The following PHIP variants were observed in gnomAD, a reference collection of about 807,000 sequenced individuals.
PHIP encodes PHIP subunit of CUL4-Ring ligase complex, also known as PH-interacting protein.
PHIP carries 54 observed loss-of-function variants against 236.8 expected under a neutral mutation model. The observed-to-expected ratio is 0.23, with a 90% CI of 0.18 to 0.29. The LOEUF (loss-of-function observed/expected upper bound fraction) is 0.29, where lower values mean the gene tolerates loss of function less well. PHIP is among the 10% of genes least tolerant of loss of function. The pLI, the probability that PHIP is intolerant of heterozygous loss-of-function variation, is 1.00. For missense variants in PHIP, 1,370 were observed against 2,190.8 expected, an observed-to-expected ratio of 0.63 and a Z score of 7.48; for synonymous variants, 756 against 718.9, an observed-to-expected ratio of 1.05 and a Z score of -0.83.
Position 79,024,294 on chromosome 6 carries a change from TAACTC to T in PHIP, c.923+1220_923+1224del, listed in dbSNP as rs1771277338. Among the ~76,000 whole-genome samples, 6 of 152,306 alleles carry T rather than the reference TAACTC, an allele frequency of 3.9e-5. No homozygotes were observed. In the South Asian group the frequency reaches 1.2e-3, roughly 32 times the overall value. ...GGCATACATATATTATTTTATTAAA[TAACTC>T]AACTTGGGTTGCTAATTTATACATA... On this transcript the variant is annotated intron_variant, in intron 9 of 39. Coordinates refer to ENST00000275034, the MANE Select transcript of PHIP (RefSeq NM_017934.7).
intron 7 of PHIP, among the ~76,000 whole-genome samples, chr6:79,030,701 A>G (rs1051166121): frequency 6.6e-6 from 1 of 152,216 alleles, no homozygotes; most frequent in African/African-American, 2.4e-5. Flanking sequence ...TCTGGGTGTT[A>G]TCAGTTTATA....
chr6:79,040,722 T>C (rs1198871937), intron 7 of PHIP, among the ~76,000 whole-genome samples: 1 of 152,026 alleles, frequency 6.6e-6, no homozygotes, highest in Non-Finnish European at 1.5e-5. Context: ...GAAGTGAAAA[T>C]AATAAAAATA....
At chr6:79,046,292 G>A (rs1325189664) in intron 6 of PHIP, among the ~76,000 whole-genome samples, 3 of 152,036 alleles carry the variant, frequency 2.0e-5, no homozygotes, top group South Asian at 2.1e-4. Flanking sequence ...TTTCTCAGAT[G>A]TCTGTTACCT....
intron 4 of PHIP, among the ~76,000 whole-genome samples, chr6:79,065,485 CT>C (rs1293991530): frequency 6.6e-6 from 1 of 152,118 alleles, no homozygotes; most frequent in African/African-American, 2.4e-5. Context: ...TCCTGTCAGA[CT>C]TTATCATATA....
intron 4 of PHIP, among the ~76,000 whole-genome samples, chr6:79,069,320 T>C (rs994802936): frequency 6.6e-6 from 1 of 151,706 alleles, no homozygotes; most frequent in Non-Finnish European, 1.5e-5. Flanking sequence ...AATCTGTTAC[T>C]AACAGTGTGG....
intron 6 of PHIP, among the ~76,000 whole-genome samples, chr6:79,048,997 AGAC>A (rs1368073059): frequency 2.6e-5 from 4 of 152,146 alleles, no homozygotes; most frequent in Non-Finnish European, 5.9e-5. Flanking sequence ...TACTCAGACA[AGAC>A]GCATCAGTAT....
At chr6:78,974,412 C>A (rs1437901529) in intron 24 of PHIP, among the ~76,000 whole-genome samples, 2 of 151,676 alleles carry the variant, frequency 1.3e-5, no homozygotes, top group Non-Finnish European at 2.9e-5. Flanking sequence ...TAAATGCCCA[C>A]AAGAGTAAGC....
At chr6:79,072,528 C>A (rs1045047312) in intron 4 of PHIP, among the ~76,000 whole-genome samples, 1 of 151,964 alleles carries the variant, frequency 6.6e-6, no homozygotes, top group African/African-American at 2.4e-5. Flanking sequence ...GTCACCCACG[C>A]TGGAGGGCAG....
Position 79,078,141 on chromosome 6 carries a change from T to C in PHIP, c.-73A>G, listed in dbSNP as rs1158753396. On this transcript the variant is annotated 5_prime_UTR_variant, in exon 1 of 40. Coordinates refer to ENST00000275034, the MANE Select transcript of PHIP (RefSeq NM_017934.7). Reference sequence around the variant, plus strand: ...GGGAAGCGGGGACGGTGCCGCCGCCTGCCCTATAGCTGTCAGTGTGTGTTC... The same window carrying C: ...GGGAAGCGGGGACGGTGCCGCCGCCCGCCCTATAGCTGTCAGTGTGTGTTC... 2 of 1,473,066 alleles carry C rather than the reference T, an allele frequency of 1.4e-6. No homozygotes were observed. Among genetic ancestry groups the C allele is most frequent in the Non-Finnish European group, 1.9e-6 (2 of 1,064,034 alleles). 91.2% of individuals were successfully genotyped at this position (1,473,066 alleles called of 1,614,324 possible).
chr6:79,005,458 G>A (rs1185942748), intron 15 of PHIP, among the ~76,000 whole-genome samples: 1 of 151,718 alleles, frequency 6.6e-6, no homozygotes, highest in African/African-American at 2.4e-5. Context: ...AAAGTTACAT[G>A]AACTGTTATA....
chr6:79,039,360 A>C (rs1483933675), intron 7 of PHIP, among the ~76,000 whole-genome samples: 1 of 152,150 alleles, frequency 6.6e-6, no homozygotes, highest in Non-Finnish European at 1.5e-5. Flanking sequence ...TAAGTCTGCA[A>C]TATCCAATTC....
intron 7 of PHIP, among the ~76,000 whole-genome samples, chr6:79,029,330 C>T (rs984398696): frequency 6.6e-5 from 10 of 152,038 alleles, no homozygotes; most frequent in African/African-American, 2.4e-4. Context: ...CATATATCAT[C>T]GCTTGTGATA....
chr6:79,052,537 A>T (rs1170793203), intron 6 of PHIP, among the ~76,000 whole-genome samples: 1 of 152,200 alleles, frequency 6.6e-6, no homozygotes, highest in East Asian at 1.9e-4. Context: ...ACATAGTAAG[A>T]TTTACTTTGG....
At position 78,973,141 on chromosome 6, in the gene PHIP, C is replaced by T. The variant is rs908934553; in HGVS notation, c.2890-2253G>A. 5.9e-5 allele frequency among the ~76,000 whole-genome samples: 9 copies of T among 152,094 alleles called. No individual in the cohort carries two copies. In the South Asian group the frequency reaches 8.3e-4, roughly 14 times the overall value. ...GCAGCCAGAGAGAAAGGTCGGGTTA[C>T]GCTCAAAGGGAAGCCCATTAGACTA... On this transcript the variant is annotated intron_variant, in intron 24 of 39. Transcript: ENST00000275034.
intron 29 of PHIP, among the ~76,000 whole-genome samples, chr6:78,963,828 T>C (rs1157865726): frequency 6.6e-6 from 1 of 152,216 alleles, no homozygotes; most frequent in Non-Finnish European, 1.5e-5. Context: ...TGCTAGGTAA[T>C]TTTTCCTTTA....
At position 79,001,941 on chromosome 6, in the gene PHIP, T is replaced by G. The variant is rs775214674; in HGVS notation, c.1837A>C (p.Arg613=). ...ATCTGAGGGATGAGTTGCTCCTCCC[T>G]GCAATTTTCACGGCCAGGAACTAAT... ...QRLVPGRENC[R]EEQLIPQMGV... The change falls in exon 17 of 40, where the codon AGG becomes CGG. Residue 613 remains arginine (R), a synonymous_variant. Coordinates refer to ENST00000275034, the MANE Select transcript of PHIP (RefSeq NM_017934.7). 3.1e-6 allele frequency: 5 copies of G among 1,613,018 alleles called. No individual in the cohort carries two copies. In the Admixed American group the frequency reaches 8.3e-5, roughly 27 times the overall value.
intron 17 of PHIP, 45 bp downstream of exon 17, chr6:79,001,854 G>A (rs780324460): frequency 8.8e-6 from 11 of 1,246,752 alleles, no homozygotes; most frequent in African/African-American, 5.9e-5. Flanking sequence ...TTAACAGTTC[G>A]GTGGGAAGAA....
intron 17 of PHIP, among the ~76,000 whole-genome samples, chr6:79,000,010 G>A (rs1373912177): frequency 2.0e-5 from 3 of 151,862 alleles, no homozygotes; most frequent in African/African-American, 4.8e-5. Flanking sequence ...GTTGTATGGT[G>A]CCAATACAAC....
At chr6:78,997,984 G>C (rs1344839824) in intron 18 of PHIP, among the ~76,000 whole-genome samples, 1 of 152,150 alleles carries the variant, frequency 6.6e-6, no homozygotes, top group Non-Finnish European at 1.5e-5. Context: ...GTGATGAGAT[G>C]TTCAAGAATG....
Sources: gnomAD v4.1 joint callset for allele counts (sites outside exome capture counted in the v4.1 genomes callset) on GRCh38, gnomAD v4.1.1 for gene constraint, MANE v1.5 for transcripts, NCBI Gene and HGNC (gene_info 2026-07-23, HGNC 2026-07-21) for gene names.